Variants in HMGN3 observed in about 807,000 individuals in gnomAD.
HMGN3 encodes the protein high mobility group nucleosomal binding domain 3.
HMGN3 carries 6 observed loss-of-function variants against 18.8 expected under a neutral mutation model. That is an observed-to-expected ratio of 0.32 (90% CI 0.18 to 0.63). The LOEUF is 0.63. HMGN3 is among the 30% of genes least tolerant of loss of function. The pLI, the probability that HMGN3 is intolerant of heterozygous loss-of-function variation, is 0.79. For missense variants in HMGN3, 107 were observed against 114.2 expected (o/e 0.94, Z 0.29); for synonymous variants, 40 against 36.5 (o/e 1.10, Z -0.35).
intron 3 of HMGN3, among the ~76,000 whole-genome samples, chr6:79,208,030 G>A (rs1776503474): frequency 1.3e-5 from 2 of 152,130 alleles, no homozygotes; most frequent in Non-Finnish European, 2.9e-5. Flanking sequence ...GCCCATCTCA[G>A]CTTGTATCCT....
At chr6:79,225,123 T>C (rs1193623958) in intron 1 of HMGN3, among the ~76,000 whole-genome samples, 1 of 152,218 alleles carries the variant, frequency 6.6e-6, no homozygotes, top group Non-Finnish European at 1.5e-5. Context: ...TTCTCCCATA[T>C]ACATCATGCC....
intron 1 of HMGN3, among the ~76,000 whole-genome samples, chr6:79,215,681 C>T (rs931269185): frequency 6.6e-6 from 1 of 152,152 alleles, no homozygotes; most frequent in Non-Finnish European, 1.5e-5. Flanking sequence ...ACAGCTCAAA[C>T]CTGATTCCTT....
At chr6:79,230,247 A>G (rs1278421426) in intron 1 of HMGN3, among the ~76,000 whole-genome samples, 1 of 152,214 alleles carries the variant, frequency 6.6e-6, no homozygotes. Flanking sequence ...ATCTAGATAC[A>G]GCAAAAGTAG....
At chr6:79,221,358 T>G (rs996137669) in intron 1 of HMGN3, among the ~76,000 whole-genome samples, 11 of 152,350 alleles carry the variant, frequency 7.2e-5, no homozygotes, top group Non-Finnish European at 1.0e-4. Context: ...GCTGACCAAC[T>G]GTGCCATCCC....
At chr6:79,221,443 G>A (rs1180822957) in intron 1 of HMGN3, among the ~76,000 whole-genome samples, 1 of 152,186 alleles carries the variant, frequency 6.6e-6, no homozygotes, top group Admixed American at 6.5e-5. Flanking sequence ...GATCAGAACT[G>A]TATTTTCCTT....
intron 1 of HMGN3, among the ~76,000 whole-genome samples, chr6:79,215,250 G>A (rs1305538723): frequency 6.6e-6 from 1 of 152,236 alleles, no homozygotes; most frequent in Non-Finnish European, 1.5e-5. Flanking sequence ...AATGGTGAAA[G>A]AACTATGTGA....
rs1350848491 is a variant in HMGN3 at position 79,234,551 on chromosome 6, T to G, written c.10A>C (p.Arg4=). Residue 4 remains arginine, a synonymous_variant, in exon 1 of 6, where the codon AGA becomes CGA. Coordinates refer to ENST00000344726, the Ensembl canonical transcript of HMGN3. ...CTTTTTTTGGTAAGACTTACCTTTC[T>G]CTTCGGCATAATGACTATGTCGGTG... 4.3e-6 allele frequency: 7 copies of G among 1,612,194 alleles called. No homozygotes were observed. The Admixed American group carries it at 1.2e-4, about 27-fold the overall frequency.
intron 1 of HMGN3, among the ~76,000 whole-genome samples, chr6:79,224,151 T>C (rs1562000708): frequency 6.6e-6 from 1 of 152,194 alleles, no homozygotes; most frequent in Non-Finnish European, 1.5e-5. Flanking sequence ...GCCAGAGAGG[T>C]TGAATAACTT....
chr6:79,205,861 T>C (rs1776399737), intron 3 of HMGN3, among the ~76,000 whole-genome samples: 1 of 152,164 alleles, frequency 6.6e-6, no homozygotes, highest in Non-Finnish European at 1.5e-5. Context: ...TATAATGATA[T>C]TGACAATGAA....
chr6:79,201,805 C>A lies in HMGN3; in HGVS notation c.262-79G>T, dbSNP rs1410017713. On this transcript the variant is annotated intron_variant, in intron 5 of 5. Transcript: ENST00000344726. Reference sequence around the variant, plus strand: ...GCAAAGGAAATTCCACCCACCAACACACACAGTTTTGAACATTTGTTTTCT... The same window carrying A: ...GCAAAGGAAATTCCACCCACCAACAAACACAGTTTTGAACATTTGTTTTCT... The A allele has an allele frequency of 3.2e-6, 5 of 1,557,306 alleles. No individual in the cohort carries two copies. In the African/African-American group the frequency reaches 4.2e-5, roughly 13 times the overall value.
intron 1 of HMGN3, among the ~76,000 whole-genome samples, chr6:79,230,060 A>G (rs1431651218): frequency 1.3e-5 from 2 of 152,232 alleles, no homozygotes; most frequent in African/African-American, 2.4e-5. Flanking sequence ...GTGAAAGGAT[A>G]AACAAAAATG....
intron 2 of HMGN3, among the ~76,000 whole-genome samples, chr6:79,211,650 T>C (rs1394694732): frequency 1.3e-5 from 2 of 152,054 alleles, no homozygotes; most frequent in Non-Finnish European, 2.9e-5. Context: ...TCATCATTGA[T>C]AAATATGACA....
chr6:79,223,176 C>T (rs1167809200), intron 1 of HMGN3, among the ~76,000 whole-genome samples: 1 of 152,034 alleles, frequency 6.6e-6, no homozygotes, highest in African/African-American at 2.4e-5. Context: ...GCCAGGAGTT[C>T]GAGACCAGCC....
At chr6:79,203,125 G>A (rs1270414297) in intron 4 of HMGN3, among the ~76,000 whole-genome samples, 1 of 152,120 alleles carries the variant, frequency 6.6e-6, no homozygotes, top group Admixed American at 6.5e-5. Context: ...AACCTTATCT[G>A]CCATACTATA....
At chr6:79,219,033 A>G (rs62411274) in intron 1 of HMGN3, among the ~76,000 whole-genome samples, 60 of 152,350 alleles carry the variant, frequency 3.9e-4, no homozygotes, top group Non-Finnish European at 6.8e-4. Context: ...TTTCAGAAGC[A>G]GAGAAAGAGG....
intron 1 of HMGN3, 192 bp downstream of exon 1, chr6:79,234,354 A>C (rs769856162): frequency 1.4e-5 from 7 of 502,042 alleles, no homozygotes; most frequent in Non-Finnish European, 2.5e-5. Context: ...TAAGAGATCG[A>C]TGAGGACGGA....
At chr6:79,211,176 C>G (rs1482434778) in intron 2 of HMGN3, among the ~76,000 whole-genome samples, 1 of 152,094 alleles carries the variant, frequency 6.6e-6, no homozygotes, top group African/African-American at 2.4e-5. Context: ...TTTCCAGTAG[C>G]TATCATAAGA....
At chr6:79,203,686 C>G in intron 3 of HMGN3, 56 bp from the exon 4 acceptor site, 1 of 1,294,486 alleles carries the variant, frequency 7.7e-7, no homozygotes, top group Non-Finnish European at 1.1e-6. Context: ...ACTATCAGCA[C>G]CAAAAGAAAC....
chr6:79,203,556 A>G, intron 4 of HMGN3, 24 bp downstream of exon 4: 1 of 1,602,442 alleles, frequency 6.2e-7, no homozygotes, highest in Non-Finnish European at 8.5e-7. Context: ...TAAAAAGCCA[A>G]AAGTGGGAAA....
Sources: allele counts gnomAD v4.1 joint callset (sites outside exome capture counted in the v4.1 genomes callset), GRCh38; gene constraint gnomAD v4.1.1; transcripts MANE v1.5; gene names NCBI Gene and HGNC (gene_info 2026-07-23, HGNC 2026-07-21).